STPG2: variants seen among roughly 807,000 people sequenced by gnomAD.
STPG2 encodes the protein sperm-tail PG-rich repeat-containing protein 2.
A neutral mutation model predicts 54.2 loss-of-function variants in STPG2; 56 were observed. The ratio of observed to expected loss-of-function variants is 1.03; its 90% CI spans 0.83 to 1.29. The LOEUF (loss-of-function observed/expected upper bound fraction) is 1.29. Among genes scored for constraint, STPG2 ranks in the 50% most tolerant of loss-of-function variants. The probability of loss-of-function intolerance (pLI) is 0.00; values close to 1 mark genes in which losing one functional copy is unlikely to be tolerated. For synonymous variants in STPG2, 200 were observed against 181.8 expected, an observed-to-expected ratio of 1.10 and a Z score of -0.81; for missense variants, 596 against 544.9, an observed-to-expected ratio of 1.09 and a Z score of -0.93.
Position 98,044,760 on chromosome 4 carries a change from T to C in STPG2, c.612+61193A>G, listed in dbSNP as rs182075289. On this transcript the variant is annotated intron_variant, in intron 5 of 10. Transcript: ENST00000295268. ...TAACAGATCAGAATGTTCACACTGGTTAATCTTTTTCTAACAATGAGCATG... is the reference window on the plus strand; with the variant it reads ...TAACAGATCAGAATGTTCACACTGGCTAATCTTTTTCTAACAATGAGCATG... Among the ~76,000 whole-genome samples the C allele has an allele frequency of 7.9e-5, 12 of 152,234 alleles. No homozygotes were observed. In the South Asian group the frequency reaches 1.7e-3, roughly 21 times the overall value.
intron 5 of STPG2, among the ~76,000 whole-genome samples, chr4:98,085,200 C>T (rs1220238099): frequency 6.6e-6 from 1 of 151,962 alleles, no homozygotes; most frequent in Non-Finnish European, 1.5e-5. Flanking sequence ...AAAGACTTTC[C>T]ATCCTCTTTG....
intron 9 of STPG2, among the ~76,000 whole-genome samples, chr4:97,800,760 G>A (rs1727367818): frequency 6.6e-6 from 1 of 152,142 alleles, no homozygotes; most frequent in African/African-American, 2.4e-5. Context: ...CTTTTGTTTG[G>A]CTATGCCCTA....
intron 5 of STPG2, among the ~76,000 whole-genome samples, chr4:98,018,788 ATGTGTTTTTTGG>A: frequency 6.6e-6 from 1 of 151,118 alleles, no homozygotes; most frequent in African/African-American, 2.4e-5. Flanking sequence ...GCATTTTTTC[ATGTGTTTTTTGG>A]CTGCATAAAT....
chr4:97,811,985 A>C (rs1382730492), intron 9 of STPG2, among the ~76,000 whole-genome samples: 1 of 152,138 alleles, frequency 6.6e-6, no homozygotes, highest in African/African-American at 2.4e-5. Context: ...TTTTTCATTA[A>C]TATATTTTTA....
chr4:97,756,922 A>T lies in STPG2; in HGVS notation c.1205-44108T>A, dbSNP rs566424793. ...TTTTGTTATCTTATTCTCTTTTGGT[A>T]GATGCACCCCTCTTTGCTATCAGCA... is the stretch of plus-strand genomic sequence containing the variant. On this transcript the variant is annotated intron_variant, in intron 9 of 10. Transcript: ENST00000295268. 1.1e-4 allele frequency among the ~76,000 whole-genome samples: 17 copies of T among 152,252 alleles called. No individual in the cohort carries two copies. The South Asian group carries it at 3.5e-3, about 32-fold the overall frequency.
intron 10 of STPG2, among the ~76,000 whole-genome samples, chr4:97,615,068 G>C (rs936790812): frequency 2.0e-4 from 31 of 152,078 alleles, no homozygotes; most frequent in Non-Finnish European, 4.3e-4. Context: ...TGGGGGCACT[G>C]TCCCCATTAA....
At chr4:97,481,630 A>G (rs1730222812) in intron 4 of STPG2, among the ~76,000 whole-genome samples, 1 of 151,572 alleles carries the variant, frequency 6.6e-6, no homozygotes, top group Admixed American at 6.6e-5. Flanking sequence ...CACAATTTCA[A>G]CTTCAAATTT....
chr4:97,908,201 A>G (rs1265850940), intron 8 of STPG2, among the ~76,000 whole-genome samples: 30 of 152,252 alleles, frequency 2.0e-4, no homozygotes, highest in African/African-American at 3.6e-4. Flanking sequence ...AAAAGTGGGC[A>G]AAGGACATGA....
At chr4:98,042,674 A>G (rs1737001284) in intron 5 of STPG2, among the ~76,000 whole-genome samples, 1 of 151,822 alleles carries the variant, frequency 6.6e-6, no homozygotes. Flanking sequence ...GAAAATATGT[A>G]TTATAATTTT....
intron 10 of STPG2, among the ~76,000 whole-genome samples, chr4:97,571,588 A>G (rs1342471070): frequency 6.6e-6 from 1 of 152,142 alleles, no homozygotes; most frequent in African/African-American, 2.4e-5. Context: ...TCTTTGGATA[A>G]ACTCAACCAA....
intron 8 of STPG2, among the ~76,000 whole-genome samples, chr4:97,882,715 A>AAAAC (rs1730423489): frequency 6.6e-6 from 1 of 152,254 alleles, no homozygotes; most frequent in Non-Finnish European, 1.5e-5. Flanking sequence ...TAATGATGAA[A>AAAAC]AAACATGAAA....
intron 6 of STPG2, among the ~76,000 whole-genome samples, chr4:97,976,475 A>G (rs1171347809): frequency 1.3e-5 from 2 of 152,086 alleles, no homozygotes; most frequent in Non-Finnish European, 1.5e-5. Flanking sequence ...TTCTGATCAT[A>G]TGGTTCACTC....
At chr4:97,883,166 T>C (rs148834958) in intron 8 of STPG2, among the ~76,000 whole-genome samples, 5 of 150,950 alleles carry the variant, frequency 3.3e-5, no homozygotes, top group Middle Eastern at 3.5e-3. Context: ...GAAATATATA[T>C]ATATACACAT....
rs576668188 is a variant in STPG2 at position 97,903,951 on chromosome 4, G to A, written c.1044+39946C>T. Reference sequence around the variant, plus strand: ...CCGCACCTGGCTCAGAGAGTCCTACGCCCACAGAGTCTCGCTGATTGCTAG... The same window carrying A: ...CCGCACCTGGCTCAGAGAGTCCTACACCCACAGAGTCTCGCTGATTGCTAG... On this transcript the variant is annotated intron_variant, in intron 8 of 10. Transcript: ENST00000295268. Among the ~76,000 whole-genome samples the A allele has an allele frequency of 2.8e-3, 425 of 152,294 alleles. 3 individuals carry two copies. The highest frequency in any genetic ancestry group is 8.9e-3 in the African/African-American group (371 of 41,574).
chr4:97,453,256 A>G (rs1027074924), intron 4 of STPG2, among the ~76,000 whole-genome samples: 3 of 152,236 alleles, frequency 2.0e-5, no homozygotes, highest in Non-Finnish European at 4.4e-5. Flanking sequence ...GCAGCCTCGC[A>G]GAGAGCTGAC....
intron 9 of STPG2, among the ~76,000 whole-genome samples, chr4:97,823,917 A>G (rs1728171376): frequency 6.6e-6 from 1 of 152,170 alleles, no homozygotes; most frequent in Non-Finnish European, 1.5e-5. Flanking sequence ...GACCCAACTT[A>G]GGGAGGTGAG....
intron 1 of STPG2, among the ~76,000 whole-genome samples, chr4:98,142,276 T>C (rs1250380440): frequency 6.6e-6 from 1 of 152,194 alleles, no homozygotes; most frequent in Non-Finnish European, 1.5e-5. Context: ...TCCTGGCATT[T>C]GCTTGAAAAT....
chr4:97,869,562 C>T (rs1729908282), intron 8 of STPG2, among the ~76,000 whole-genome samples: 2 of 151,310 alleles, frequency 1.3e-5, no homozygotes, highest in South Asian at 2.1e-4. Context: ...AAAAGACAAC[C>T]CTTGATTAGC....
chr4:97,455,975 T>C (rs1404117800), intron 4 of STPG2, among the ~76,000 whole-genome samples: 1 of 152,322 alleles, frequency 6.6e-6, no homozygotes, highest in East Asian at 1.9e-4. Flanking sequence ...CAAGGGAATG[T>C]TTCCCGTGTC....
Sources: gnomAD v4.1 joint callset for allele counts (sites outside exome capture counted in the v4.1 genomes callset) on GRCh38, gnomAD v4.1.1 for gene constraint, MANE v1.5 for transcripts, NCBI Gene and HGNC (gene_info 2026-07-23, HGNC 2026-07-21) for gene names.